Variants in FAM110B observed in about 807,000 individuals in gnomAD.
FAM110B encodes protein FAM110B.
Under a neutral mutation model 20.4 loss-of-function variants are expected in FAM110B, and 6 were observed. The ratio of observed to expected loss-of-function variants is 0.29; its 90% CI spans 0.16 to 0.58. The LOEUF is 0.58. Among genes scored for constraint, FAM110B ranks in the 20% least tolerant of loss-of-function variants. The pLI is 0.90. For synonymous variants in FAM110B, 226 were observed against 214.1 expected (o/e 1.06, Z -0.49); for missense variants, 434 against 498.2 (o/e 0.87, Z 1.23).
At chr8:58,004,789 A>G (rs967803630) in intron 1 of FAM110B, among the ~76,000 whole-genome samples, 1 of 152,160 alleles carries the variant, frequency 6.6e-6, no homozygotes, top group African/African-American at 2.4e-5. Flanking sequence ...CTAGCTTTCA[A>G]TTATTCCTTT....
rs575706329 is a variant in FAM110B, at chr8:58,024,931, C to T, written c.-511-6675C>T. 8.5e-5 allele frequency among the ~76,000 whole-genome samples: 13 copies of T among 152,276 alleles called. 1 individual carries two copies. Among genetic ancestry groups the T allele is most frequent in the African/African-American group, 2.9e-4 (12 of 41,554 alleles). On this transcript the variant is annotated intron_variant, in intron 1 of 3. Coordinates refer to ENST00000519262, the MANE Select transcript of FAM110B (RefSeq NM_001377989.1). ...CTGGATCCTTTAGAGAGATGCTCAC[C>T]TTCTATCTTCTGTAGACTTATAATA...
At chr8:58,006,919 A>ATTT (rs137960762) in intron 1 of FAM110B, among the ~76,000 whole-genome samples, 68 of 102,796 alleles carry the variant, frequency 6.6e-4, no homozygotes, top group Admixed American at 2.5e-3. Context: ...ATATATATAT[A>ATTT]TATATTTTTC....
intron 1 of FAM110B, among the ~76,000 whole-genome samples, chr8:58,025,887 C>G (rs1290954722): frequency 6.6e-6 from 1 of 152,164 alleles, no homozygotes; most frequent in Non-Finnish European, 1.5e-5. Context: ...AGGTCCATGT[C>G]CTATCCACCC....
intron 1 of FAM110B, among the ~76,000 whole-genome samples, chr8:58,023,634 A>T (rs1804799484): frequency 6.6e-6 from 1 of 152,210 alleles, no homozygotes; most frequent in Non-Finnish European, 1.5e-5. Context: ...GGATCTAAAT[A>T]GTAGTCCCAT....
chr8:58,069,693 T>C (rs1481735697), intron 2 of FAM110B, among the ~76,000 whole-genome samples: 2 of 152,212 alleles, frequency 1.3e-5, no homozygotes, highest in African/African-American at 2.4e-5. Context: ...TCCAACTATA[T>C]TGAAGAGAGA....
intron 3 of FAM110B, chr8:58,106,188 A>G (rs1806909633): frequency 6.6e-6 from 1 of 152,222 alleles, no homozygotes; most frequent in African/African-American, 2.4e-5. Context: ...ATTAACTGTA[A>G]TTAAATAAAG....
intron 1 of FAM110B, among the ~76,000 whole-genome samples, chr8:58,004,134 C>A (rs1804356380): frequency 6.6e-6 from 1 of 152,178 alleles, no homozygotes. Context: ...CCCTTGCATG[C>A]ACAGTTCACA....
At chr8:58,101,656 A>T (rs1459264975) in intron 3 of FAM110B, among the ~76,000 whole-genome samples, 2 of 151,366 alleles carry the variant, frequency 1.3e-5, no homozygotes, top group East Asian at 3.9e-4. Context: ...CTCTAAACTG[A>T]CTTCCTCCGA....
intron 1 of FAM110B, among the ~76,000 whole-genome samples, chr8:58,020,052 T>C (rs1371671911): frequency 6.6e-6 from 1 of 152,106 alleles, no homozygotes; most frequent in Non-Finnish European, 1.5e-5. Context: ...ATTTGTGTGT[T>C]TTTTTTCCTT....
intron 3 of FAM110B, among the ~76,000 whole-genome samples, chr8:58,104,989 C>G (rs1585890360): frequency 6.7e-6 from 1 of 148,508 alleles, no homozygotes; most frequent in African/African-American, 2.5e-5. Context: ...GATTTCTTTT[C>G]CATTGCCTTC....
chr8:58,116,484 C>T (rs1287254704), intron 3 of FAM110B, among the ~76,000 whole-genome samples: 3 of 152,226 alleles, frequency 2.0e-5, no homozygotes, highest in African/African-American at 7.2e-5. Context: ...CCTTTACCTT[C>T]TTCATAACTT....
intron 3 of FAM110B, among the ~76,000 whole-genome samples, chr8:58,131,681 T>C (rs1803472388): frequency 6.6e-6 from 1 of 152,256 alleles, no homozygotes; most frequent in Admixed American, 6.5e-5. Context: ...TACTACATAC[T>C]ATATTGATCC....
intron 3 of FAM110B, among the ~76,000 whole-genome samples, chr8:58,137,448 C>G (rs2150639522): frequency 6.6e-6 from 1 of 152,268 alleles, no homozygotes; most frequent in Non-Finnish European, 1.5e-5. Flanking sequence ...GTAATCCCAG[C>G]TACTCAGAAG....
intron 2 of FAM110B, among the ~76,000 whole-genome samples, chr8:58,070,600 G>A: frequency 6.6e-6 from 1 of 152,212 alleles, no homozygotes; most frequent in South Asian, 2.1e-4. Context: ...CTGGATTCAA[G>A]AGTGCATGTG....
chr8:58,056,736 T>A (rs978970119), intron 2 of FAM110B, among the ~76,000 whole-genome samples: 48 of 152,170 alleles, frequency 3.2e-4, no homozygotes, highest in Admixed American at 2.0e-3. Flanking sequence ...TAATGCATAG[T>A]TTATTTGAAC....
chr8:58,058,708 G>T (rs531141599), intron 2 of FAM110B, among the ~76,000 whole-genome samples: 2 of 152,160 alleles, frequency 1.3e-5, no homozygotes, highest in African/African-American at 4.8e-5. Context: ...ACATTGAAAG[G>T]TTCAGTGGAA....
intron 1 of FAM110B, among the ~76,000 whole-genome samples, chr8:58,031,083 G>A (rs768097070): frequency 9.2e-5 from 14 of 152,184 alleles, no homozygotes; most frequent in African/African-American, 1.2e-4. Flanking sequence ...CAGGACCAGC[G>A]GAAACATGTG....
Position 58,077,785 on chromosome 8 carries a change from A to G in FAM110B, c.-325+2162A>G, listed in dbSNP as rs548526775. Reference sequence around the variant, plus strand: ...AGTAACTGGCTTGAGCTTTATCAGTACTATTATTTACCTAGATCAGGAAAG... The same window carrying G: ...AGTAACTGGCTTGAGCTTTATCAGTGCTATTATTTACCTAGATCAGGAAAG... On this transcript the variant is annotated intron_variant, in intron 3 of 3. Transcript: ENST00000519262. Among the ~76,000 whole-genome samples the G allele has an allele frequency of 2.0e-4, 31 of 152,292 alleles. No individual in the cohort carries two copies. The Middle Eastern group carries it at 0.014, about 67-fold the overall frequency.
intron 2 of FAM110B, among the ~76,000 whole-genome samples, chr8:58,056,267 T>G (rs182159485): frequency 4.4e-4 from 67 of 152,362 alleles, no homozygotes; most frequent in Non-Finnish European, 3.8e-4. Context: ...CACTAAATAA[T>G]TTTTGAATAA....
Sources: allele counts gnomAD v4.1 joint callset (sites outside exome capture counted in the v4.1 genomes callset), GRCh38; gene constraint gnomAD v4.1.1; transcripts MANE v1.5; gene names NCBI Gene and HGNC (gene_info 2026-07-23, HGNC 2026-07-21).